AHNAK: variants seen among roughly 807,000 people sequenced by gnomAD.
AHNAK encodes the protein AHNAK nucleoprotein.
A neutral mutation model predicts 37.8 loss-of-function variants in AHNAK; 23 were observed. The ratio of observed to expected loss-of-function variants is 0.61; its 90% CI spans 0.44 to 0.86. The LOEUF (loss-of-function observed/expected upper bound fraction) is 0.86, where lower values mean the gene tolerates loss of function less well. Ranked by LOEUF, AHNAK falls within the 40% of genes least tolerant of loss-of-function variation. AHNAK has a pLI of 0.00. For synonymous variants in AHNAK, 2,481 were observed against 2,636.3 expected (o/e 0.94, Z 1.80); for missense variants, 7,411 against 7,319.4 (o/e 1.01, Z -0.46).
rs748602649 is a variant in AHNAK, at chr11:62,529,094, T to C, written c.5323A>G (p.Asn1775Asp). 1.2e-6 allele frequency: 2 copies of C among 1,613,752 alleles called. No homozygotes were observed. The highest frequency in any genetic ancestry group is 1.1e-5 in the South Asian group (1 of 91,044). ...KGSKFKMPKL[N>D]IKAPKVSMPD... is the part of the protein sequence containing the mutation. ...ATGGAGACCTTGGGAGCTTTTATAT[T>C]CAACTTGGGCATCTTAAATTTGGAG... Residue 1775 changes from asparagine (N) to aspartate (D), a missense_variant, in exon 5 of 5, where the codon AAT (asparagine) becomes GAT (aspartate). Coordinates refer to ENST00000378024, the MANE Select transcript of AHNAK (RefSeq NM_001620.3).
chr11:62,484,401 AT>A (rs1409574535), intron 5 of AHNAK, among the ~76,000 whole-genome samples: 1 of 152,158 alleles, frequency 6.6e-6, no homozygotes, highest in East Asian at 1.9e-4. Flanking sequence ...AAATAAATAA[AT>A]AAATAACAAG....
At chr11:62,537,046 C>G (rs968449927) in intron 1 of AHNAK, among the ~76,000 whole-genome samples, 2 of 151,744 alleles carry the variant, frequency 1.3e-5, no homozygotes, top group African/African-American at 4.8e-5. Context: ...CTCCACCTCC[C>G]GGGTTCACGC....
At chr11:62,440,273 TGA>T (rs1291042730) in intron 5 of AHNAK, among the ~76,000 whole-genome samples, 1 of 151,922 alleles carries the variant, frequency 6.6e-6, no homozygotes, top group Non-Finnish European at 1.5e-5. Flanking sequence ...GAAACGACAC[TGA>T]GAGGGGGAGG....
chr11:62,516,204 A>T lies in AHNAK; in HGVS notation c.*540T>A. The T allele has an allele frequency of 7.8e-7, 1 of 1,289,104 alleles. No individual in the cohort carries two copies. Among genetic ancestry groups the T allele is most frequent in the Non-Finnish European group, 1.0e-6 (1 of 988,656 alleles). 79.9% of individuals were successfully genotyped at this position (1,289,104 alleles called of 1,614,324 possible). ...CCCCTGGGTGAAAGAAACAACACTA[A>T]AGAACCCTAAAAACACCCACACACC... On this transcript the variant is annotated 3_prime_UTR_variant, in exon 5 of 5. Coordinates refer to ENST00000378024, the MANE Select transcript of AHNAK (RefSeq NM_001620.3).
exon 6 of AHNAK, chr11:62,433,557 T>C (rs766777730): frequency 2.6e-6 from 1 of 383,024 alleles, no homozygotes; most frequent in Non-Finnish European, 4.7e-6. Flanking sequence ...GCTTGATAAA[T>C]GTTTATTGGA....
chr11:62,534,935 G>C (rs1208073849), intron 4 of AHNAK, 68 bp downstream of exon 4: 3 of 1,540,310 alleles, frequency 1.9e-6, no homozygotes, highest in Non-Finnish European at 1.8e-6. Flanking sequence ...GGAAGGCTCA[G>C]GAGTGGGGTC....
intron 5 of AHNAK, among the ~76,000 whole-genome samples, chr11:62,440,631 CA>C (rs1340753413): frequency 7.2e-5 from 11 of 152,206 alleles, no homozygotes; most frequent in Admixed American, 2.6e-4. Flanking sequence ...ACCCTATAAT[CA>C]GGGGGGAAAT....
intron 5 of AHNAK, among the ~76,000 whole-genome samples, chr11:62,471,956 G>A (rs1264864654): frequency 6.6e-6 from 1 of 152,134 alleles, no homozygotes; most frequent in Admixed American, 6.5e-5. Context: ...CCCAATCCCT[G>A]GGTGACTTAA....
Position 62,439,664 on chromosome 11 carries a change from G to GTTTTT in AHNAK, c.443-5774_443-5773insAAAAA, listed in dbSNP as rs1565194563. ...TTTGGTTTGTTTTGGATTTTTGTGT[G>GTTTTT]ATTTTTTTTTTTTTTTTTTTTGAGA... On this transcript the variant is annotated intron_variant, in intron 5 of 5. Transcript: ENST00000257247. Among the ~76,000 whole-genome samples the GTTTTT allele has an allele frequency of 2.1e-4, 27 of 126,418 alleles. 2 individuals carry two copies. The highest frequency in any genetic ancestry group is 3.5e-4 in the Admixed American group (4 of 11,526). The allele number at this position is 126,418 out of a possible 152,430, so 82.9% of individuals were successfully genotyped here. A position where few individuals can be genotyped will look rare whatever the true frequency, so the allele number is the denominator to read the frequency against.
At position 62,517,020 on chromosome 11, in the gene AHNAK, C is replaced by T. The variant is rs1940041373; in HGVS notation, c.17397G>A (p.Leu5799=). 1 of 1,614,090 alleles carries T rather than the reference C, an allele frequency of 6.2e-7. No homozygotes were observed. Among genetic ancestry groups the T allele is most frequent in the African/African-American group, 1.3e-5 (1 of 74,922 alleles). The part of the protein sequence containing the change: ...FSGPSTPTGT[L]EFEGGEVSLE... ...GAGACACTTCCCCACCTTCAAACTC[C>T]AGCGTCCCCGTCGGGGTGGAAGGTC... is the stretch of plus-strand genomic sequence containing the variant. Residue 5799 remains leucine, a synonymous_variant, in exon 5 of 5, where the codon CTG becomes CTA. Coordinates refer to ENST00000378024, the MANE Select transcript of AHNAK (RefSeq NM_001620.3).
chr11:62,460,180 G>A (rs994064191), intron 5 of AHNAK, among the ~76,000 whole-genome samples: 14 of 151,794 alleles, frequency 9.2e-5, no homozygotes, highest in East Asian at 1.9e-4. Context: ...CCAGCTACTC[G>A]GGAGGCTGAG....
intron 5 of AHNAK, among the ~76,000 whole-genome samples, chr11:62,445,311 C>T (rs1938400776): frequency 6.6e-6 from 1 of 152,062 alleles, no homozygotes; most frequent in Non-Finnish European, 1.5e-5. Context: ...GGCTATTATT[C>T]ATTTTAACCT....
chr11:62,435,640 C>T (rs957622043), intron 5 of AHNAK, among the ~76,000 whole-genome samples: 2 of 152,168 alleles, frequency 1.3e-5, no homozygotes, highest in African/African-American at 4.8e-5. Context: ...GTCTCGATCT[C>T]CTGACCTCGT....
At chr11:62,468,398 CACAGAG>C (rs1212552215) in intron 5 of AHNAK, among the ~76,000 whole-genome samples, 1 of 150,950 alleles carries the variant, frequency 6.6e-6, no homozygotes, top group East Asian at 1.9e-4. Flanking sequence ...GGATTTTATT[CACAGAG>C]ACAGACTACA....
chr11:62,452,115 A>C (rs1244565474), intron 5 of AHNAK, among the ~76,000 whole-genome samples: 1 of 152,154 alleles, frequency 6.6e-6, no homozygotes, highest in East Asian at 1.9e-4. Flanking sequence ...CCCAGCCTGC[A>C]AACTAATCTT....
intron 5 of AHNAK, among the ~76,000 whole-genome samples, chr11:62,470,997 TG>T (rs1280190097): frequency 1.3e-5 from 2 of 152,018 alleles, no homozygotes; most frequent in Non-Finnish European, 2.9e-5. Flanking sequence ...CCCTGCAAGC[TG>T]AAAGAACGTC....
chr11:62,514,488 T>C (rs1327685979), downstream of AHNAK, among the ~76,000 whole-genome samples: 4 of 151,540 alleles, frequency 2.6e-5, no homozygotes, highest in Admixed American at 2.0e-4. Context: ...CAGCAGGGGG[T>C]TTCTGTAGAA....
chr11:62,452,940 G>T (rs1938573933), intron 5 of AHNAK, among the ~76,000 whole-genome samples: 1 of 152,096 alleles, frequency 6.6e-6, no homozygotes, highest in Admixed American at 6.6e-5. Flanking sequence ...CACAAGAATC[G>T]CTTGAACCCA....
rs1454603273 is a variant in AHNAK at position 62,521,113 on chromosome 11, A to G, written c.13304T>C (p.Ile4435Thr). Residue 4435 changes from isoleucine (I) to threonine (T), a missense_variant, in exon 5 of 5, where the codon ATT becomes ACT. Physicochemically the swap from Ile to Thr is moderately conservative, Grantham distance 89. Coordinates refer to ENST00000378024, the MANE Select transcript of AHNAK (RefSeq NM_001620.3). ...SLDIDTPDVN[I>T]EGPEGKLKGP... ...CTTCAATTTTCCTTCCGGACCTTCA[A>G]TATTGACATCAGGTGTGTCAATGTC... 1.2e-6 allele frequency: 2 copies of G among 1,614,064 alleles called. No homozygotes were observed. The highest frequency in any genetic ancestry group is 1.3e-5 in the African/African-American group (1 of 75,000).
Sources: gnomAD v4.1 joint callset for allele counts (sites outside exome capture counted in the v4.1 genomes callset) on GRCh38, gnomAD v4.1.1 for gene constraint, MANE v1.5 for transcripts, NCBI Gene and HGNC (gene_info 2026-07-23, HGNC 2026-07-21) for gene names.